OGFOD3: variants seen among roughly 807,000 people sequenced by gnomAD.
OGFOD3 encodes 2-oxoglutarate and iron dependent oxygenase domain containing 3, also known as 2-oxoglutarate and iron-dependent oxygenase domain-containing protein 3.
In OGFOD3, 35 loss-of-function variants were observed where a neutral mutation model predicts 39.8. The ratio of observed to expected loss-of-function variants is 0.88; its 90% confidence interval spans 0.67 to 1.17. The LOEUF (loss-of-function observed/expected upper bound fraction) is 1.17, where lower values mean the gene tolerates loss of function less well. Among genes scored for constraint, OGFOD3 ranks in the 50% most tolerant of loss-of-function variants. The probability of loss-of-function intolerance (pLI) is 0.00; values close to 1 mark genes in which losing one functional copy is unlikely to be tolerated. For synonymous variants in OGFOD3, 200 were observed against 192.0 expected, an observed-to-expected ratio of 1.04 and a Z score of -0.34; for missense variants, 438 against 454.5, an observed-to-expected ratio of 0.96 and a Z score of 0.33.
intron 4 of OGFOD3, among the ~76,000 whole-genome samples, chr17:82,407,853 G>A (rs1206331659): frequency 6.6e-6 from 1 of 152,186 alleles, no homozygotes; most frequent in East Asian, 1.9e-4. Flanking sequence ...AATAAAGGGA[G>A]GAACTTAGGC....
rs2052708138 is a variant in OGFOD3, at chr17:82,398,227, C to G, written c.792G>C (p.Glu264Asp). ...TCGGCTCCACCGTCTTGTTGGCACC[C>G]TCCTCCATGAACATGAACCGCCCTC... ...FGGGRFMFME[E>D]GANKTVEPRA... The change falls in exon 8 of 9, where the codon GAG becomes GAC. Residue 264 changes from glutamate (E) to aspartate (D), a missense_variant. Glu to Asp is a conservative substitution (Grantham distance 45). Transcript: ENST00000313056. 6.2e-7 allele frequency: 1 copy of G among 1,614,170 alleles called. No individual in the cohort carries two copies. Among genetic ancestry groups the G allele is most frequent in the Non-Finnish European group, 8.5e-7 (1 of 1,180,022 alleles).
Position 82,392,749 on chromosome 17 carries a change from G to T in OGFOD3, c.824-215C>A. The T allele has an allele frequency of 1.7e-6, 1 of 599,194 alleles. No homozygotes were observed. Among genetic ancestry groups the T allele is most frequent in the African/African-American group, 1.9e-5 (1 of 53,844 alleles). 37.1% of individuals were successfully genotyped at this position (599,194 alleles called of 1,614,324 possible). A position where few individuals can be genotyped will look rare whatever the true frequency, so the allele number is the denominator to read the frequency against. On this transcript the variant is annotated intron_variant, in intron 8 of 8. Transcript: ENST00000313056. This position sits in a 1 kb window ranked among gnomAD's most constrained non-coding sequence, Gnocchi z 4.2. ...TCAGGGGCCCTGTGGCGGAGGAGGG[G>T]CCCCCCGGGGCCAGCAGGGACTCTG...
chr17:82,396,972 C>G (rs767872607), intron 8 of OGFOD3: 3 of 152,246 alleles, frequency 2.0e-5, no homozygotes, highest in Non-Finnish European at 4.4e-5. Flanking sequence ...AGGGAGTGGG[C>G]TTGGCCAGCC....
At chr17:82,417,574 G>A (rs1416942528) in intron 1 of OGFOD3, among the ~76,000 whole-genome samples, 2 of 148,684 alleles carry the variant, frequency 1.3e-5, no homozygotes, top group Non-Finnish European at 3.0e-5. Flanking sequence ...AGCCGAGATT[G>A]CGCCACTGCA....
chr17:82,407,087 A>C (rs763511538), intron 4 of OGFOD3, among the ~76,000 whole-genome samples: 27 of 152,018 alleles, frequency 1.8e-4, no homozygotes, highest in Non-Finnish European at 2.8e-4. Flanking sequence ...CATGGTGGCG[A>C]GCTGTAATCC....
At chr17:82,416,044 C>T (rs1365862646) in intron 1 of OGFOD3, among the ~76,000 whole-genome samples, 2 of 151,418 alleles carry the variant, frequency 1.3e-5, no homozygotes, top group Non-Finnish European at 2.9e-5. Context: ...GCCTGACCAA[C>T]ATGGTGAAAC....
At chr17:82,414,159 G>C (rs767982838) in intron 2 of OGFOD3, among the ~76,000 whole-genome samples, 4 of 151,876 alleles carry the variant, frequency 2.6e-5, no homozygotes, top group Admixed American at 2.6e-4. Context: ...TCAGGATCTC[G>C]CTCTGTCACC....
chr17:82,417,960 T>C (rs919186362), intron 1 of OGFOD3, among the ~76,000 whole-genome samples: 6 of 152,186 alleles, frequency 3.9e-5, no homozygotes, highest in African/African-American at 1.4e-4. Context: ...ATCCTAAAAC[T>C]AAGCCATTCC....
At chr17:82,408,756 C>T (rs1269864413) in intron 4 of OGFOD3, among the ~76,000 whole-genome samples, 1 of 152,138 alleles carries the variant, frequency 6.6e-6, no homozygotes. Context: ...GATTTAGGAC[C>T]CTAAATCTGG....
Position 82,405,377 on chromosome 17 carries a change from G to A in OGFOD3, c.492C>T (p.Tyr164=). 6.2e-7 allele frequency: 1 copy of A among 1,613,462 alleles called. No homozygotes were observed. Among genetic ancestry groups the A allele is most frequent in the Non-Finnish European group, 8.5e-7 (1 of 1,179,396 alleles). Residue 164 remains tyrosine (Y), a synonymous_variant, in exon 6 of 9, where the codon TAC becomes TAT. Coordinates refer to ENST00000313056, the MANE Select transcript of OGFOD3 (RefSeq NM_024648.3). ...AGATGTTCTGTATTTTATCCCCGAA[G>A]TATCTGTGAAAAAAGGAGTATTCAC... ...VGKHFVNLYR[Y]FGDKIQNIFS...
chr17:82,393,864 C>T (rs1686924747), intron 8 of OGFOD3: 1 of 152,142 alleles, frequency 6.6e-6, no homozygotes, highest in South Asian at 2.1e-4. Context: ...ACAGAGGCAC[C>T]AAAGGACAGG....
Position 82,415,328 on chromosome 17 carries a change from C to T in OGFOD3, c.304+70G>A. ...CATACCACATCCAACCCAATTCCCA[C>T]CCCTTCGTCGCAGCCAATGTCCTTT... On this transcript the variant is annotated intron_variant, in intron 2 of 8. Coordinates refer to ENST00000313056, the MANE Select transcript of OGFOD3 (RefSeq NM_024648.3). This position sits in a 1 kb window ranked among gnomAD's most constrained non-coding sequence, Gnocchi z 5.3. 2.7e-6 allele frequency: 4 copies of T among 1,463,504 alleles called. No homozygotes were observed. Among genetic ancestry groups the T allele is most frequent in the Non-Finnish European group, 3.8e-6 (4 of 1,059,232 alleles). The allele number at this position is 1,463,504 out of a possible 1,614,324, so 90.7% of individuals were successfully genotyped here. A position where few individuals can be genotyped will look rare whatever the true frequency, so the allele number is the denominator to read the frequency against.
At chr17:82,407,196 C>T (rs923227949) in intron 4 of OGFOD3, among the ~76,000 whole-genome samples, 2 of 151,034 alleles carry the variant, frequency 1.3e-5, no homozygotes, top group Non-Finnish European at 2.9e-5. Context: ...ATCAGGGAGG[C>T]GGAGGTTGCA....
rs1483163020 is a variant in OGFOD3, at chr17:82,404,289, G to T, written c.546-199C>A. On this transcript the variant is annotated intron_variant, in intron 6 of 8. Transcript: ENST00000313056. This position sits in a 1 kb window ranked among gnomAD's most constrained non-coding sequence, Gnocchi z 4.5. ...CCACAGCCCACGCACAGAGCAGCCA[G>T]AGGCAGGCGCAAGACCACAGCAGCA... 5.3e-5 allele frequency among the ~76,000 whole-genome samples: 8 copies of T among 152,238 alleles called. No homozygotes were observed. The highest frequency in any genetic ancestry group is 5.2e-4 in the Admixed American group (8 of 15,288).
intron 3 of OGFOD3, among the ~76,000 whole-genome samples, chr17:82,409,907 AAGAGAGAG>A (rs71908507): frequency 6.7e-6 from 1 of 150,220 alleles, no homozygotes; most frequent in South Asian, 2.1e-4. Context: ...AAGAAAGAAA[AAGAGAGAG>A]AGAGAGAGAG....
chr17:82,405,231 C>T, intron 6 of OGFOD3, 93 bp downstream of exon 6: 1 of 1,131,446 alleles, frequency 8.8e-7, no homozygotes. Context: ...CTGGGCCTCT[C>T]CGTGGGGCCT....
intron 8 of OGFOD3, among the ~76,000 whole-genome samples, chr17:82,397,420 G>GGGGGGGGGC (rs2052693046): frequency 8.1e-6 from 1 of 123,248 alleles, no homozygotes. Context: ...GGGGGTGAGG[G>GGGGGGGGGC]CAGTGCCCTG....
intron 7 of OGFOD3, chr17:82,400,867 A>G (rs2052752329): frequency 6.6e-6 from 1 of 152,156 alleles, no homozygotes; most frequent in South Asian, 2.1e-4. Context: ...AAAAACACTG[A>G]TCTTCAGACG....
chr17:82,389,554 A>T lies in OGFOD3; in HGVS notation c.*2844T>A, dbSNP rs1219423883. The stretch of plus-strand genomic sequence containing the variant: ...GTATCTTGCTGTCTCCCAGGCTGGA[A>T]TGCAGTGGAGCCGTCACAGCTCACT... On this transcript the variant is annotated 3_prime_UTR_variant, in exon 9 of 9. Transcript: ENST00000313056. The surrounding 1 kb of genome is among the most constrained non-coding windows in gnomAD (Gnocchi z 4.6). The T allele has an allele frequency of 6.6e-6, 1 of 152,146 alleles. No homozygotes were observed. The highest frequency in any genetic ancestry group is 2.4e-5 in the African/African-American group (1 of 41,430). The allele number at this position is 152,146 out of a possible 1,614,324, so 9.4% of individuals were successfully genotyped here. A position where few individuals can be genotyped will look rare whatever the true frequency, so the allele number is the denominator to read the frequency against.
Sources: gnomAD v4.1 joint callset for allele counts (sites outside exome capture counted in the v4.1 genomes callset) on GRCh38, gnomAD v4.1.1 for gene constraint, Gnocchi (gnomAD v3.1) non-coding constraint, MANE v1.5 for transcripts, NCBI Gene and HGNC (gene_info 2026-07-23, HGNC 2026-07-21) for gene names.